Variants in DNAH14 observed in about 807,000 individuals in gnomAD.
DNAH14 encodes dynein axonemal heavy chain 14, also known as axonemal beta dynein heavy chain 14.
Under a neutral mutation model 520.9 loss-of-function variants are expected in DNAH14, and 478 were observed. The observed-to-expected ratio is 0.92, with a 90% CI of 0.85 to 0.99. The LOEUF is 0.99. DNAH14 is among the 50% of genes least tolerant of loss of function. DNAH14 has a pLI of 0.00. For synonymous variants in DNAH14, 1,581 were observed against 1,757.2 expected (o/e 0.90, Z 2.51); for missense variants, 4,831 against 5,234.5 (o/e 0.92, Z 2.38).
intron 23 of DNAH14, among the ~76,000 whole-genome samples, chr1:225,101,873 C>T (rs1261179641): frequency 6.6e-6 from 1 of 151,294 alleles, no homozygotes; most frequent in African/African-American, 2.4e-5. Context: ...GGGTATATAC[C>T]TAACAGTGGA....
chr1:225,305,415 A>C (rs184645138), intron 58 of DNAH14, among the ~76,000 whole-genome samples: 93 of 152,308 alleles, frequency 6.1e-4, no homozygotes, highest in African/African-American at 2.2e-3. Context: ...ATGGGATGAC[A>C]CCAAAATAAA....
At chr1:225,001,614 C>A (rs1413161621) in intron 8 of DNAH14, among the ~76,000 whole-genome samples, 1 of 152,038 alleles carries the variant, frequency 6.6e-6, no homozygotes, top group Non-Finnish European at 1.5e-5. Flanking sequence ...GCACCCTCCC[C>A]ATTTTCATAT....
At chr1:224,987,418 T>C (rs1420314900) in intron 8 of DNAH14, among the ~76,000 whole-genome samples, 1 of 152,230 alleles carries the variant, frequency 6.6e-6, no homozygotes, top group Admixed American at 6.5e-5. Context: ...GTTCATTTTG[T>C]ATTGCTATAG....
Position 225,166,846 on chromosome 1 carries a change from G to A in DNAH14, c.5446-1093G>A, listed in dbSNP as rs184750922. On this transcript the variant is annotated intron_variant, in intron 35 of 85. Transcript: ENST00000682510. ...TCTAAGGAACATCATATACAGCCAC[G>A]AATATTTTATAGTAGGATTATGATT... Among the ~76,000 whole-genome samples the A allele has an allele frequency of 1.3e-4, 20 of 152,262 alleles. No homozygotes were observed. The East Asian group carries it at 3.5e-3, about 26-fold the overall frequency.
chr1:225,043,821 A>G, intron 14 of DNAH14, 32 bp downstream of exon 14: 1 of 1,461,524 alleles, frequency 6.8e-7, no homozygotes. Flanking sequence ...AATTACGAGT[A>G]ATTGTATTTT....
At chr1:224,961,731 A>G (rs2060858255) in intron 4 of DNAH14, among the ~76,000 whole-genome samples, 1 of 152,160 alleles carries the variant, frequency 6.6e-6, no homozygotes, top group Non-Finnish European at 1.5e-5. Context: ...TTGGGTGAGG[A>G]CACAGAGCCA....
chr1:225,339,143 A>C (rs1013601848), intron 68 of DNAH14, among the ~76,000 whole-genome samples: 1 of 8,484 alleles, frequency 1.2e-4, no homozygotes, highest in African/African-American at 1.5e-4. Context: ...ATGAAATACA[A>C]AAAAAAAAAA....
chr1:225,396,256 C>T (rs2096009454), intron 84 of DNAH14: 1 of 152,090 alleles, frequency 6.6e-6, no homozygotes, highest in Non-Finnish European at 1.5e-5. Context: ...AAATATGGGT[C>T]CAAAACTGCT....
chr1:225,219,227 A>G (rs750892204), intron 41 of DNAH14, among the ~76,000 whole-genome samples: 1 of 152,198 alleles, frequency 6.6e-6, no homozygotes, highest in Non-Finnish European at 1.5e-5. Flanking sequence ...AAGATCTAAA[A>G]TCAACACCCT....
In DNAH14 at chr1:224,953,209, G is replaced by A. The variant is rs371839886; in HGVS notation, c.77+430G>A. ...ACGATCTTGGCTCACTGCAACCTCC[G>A]CCTCCCAGGTTCAAGCGATTCTCCA... On this transcript the variant is annotated intron_variant, in intron 2 of 85. Coordinates refer to ENST00000682510, the MANE Select transcript of DNAH14 (RefSeq NM_001367479.1). The A allele has an allele frequency of 9.3e-4, 142 of 152,148 alleles. 3 individuals carry two copies. The South Asian group carries it at 0.022, about 23-fold the overall frequency. 9.4% of individuals were successfully genotyped at this position (152,148 alleles called of 1,614,324 possible). A position where few individuals can be genotyped will look rare whatever the true frequency, so the allele number is the denominator to read the frequency against.
intron 82 of DNAH14, 42 bp downstream of exon 82, chr1:225,388,533 T>C (rs2095867351): frequency 2.4e-6 from 3 of 1,241,906 alleles, no homozygotes; most frequent in Non-Finnish European, 3.4e-6. Context: ...TCATTTTTGC[T>C]TAAAGCCCAA....
At position 224,968,794 on chromosome 1, in the gene DNAH14, A is replaced by T; in HGVS notation, c.687A>T (p.Glu229Asp). Residue 229 changes from glutamate (E) to aspartate (D), a missense_variant, in exon 7 of 86, where the codon GAA (glutamate) becomes GAT (aspartate). By Grantham distance (45) the Glu-to-Asp change is conservative. Coordinates refer to ENST00000682510, the MANE Select transcript of DNAH14 (RefSeq NM_001367479.1). ...INIVGSVKEV[E>D]LIPTLEWLSE... ...TAGTTGGTAGTGTAAAGGAAGTAGAACTCATACCTACTTTGGAATGGCTAT... is the reference window on the plus strand; with the variant it reads ...TAGTTGGTAGTGTAAAGGAAGTAGATCTCATACCTACTTTGGAATGGCTAT... 6.5e-7 allele frequency: 1 copy of T among 1,536,314 alleles called. No individual in the cohort carries two copies. Among genetic ancestry groups the T allele is most frequent in the Non-Finnish European group, 8.8e-7 (1 of 1,140,072 alleles).
intron 8 of DNAH14, among the ~76,000 whole-genome samples, chr1:224,992,218 T>G (rs1475272554): frequency 6.6e-6 from 1 of 152,186 alleles, no homozygotes; most frequent in East Asian, 1.9e-4. Context: ...GCCTTGACTA[T>G]TCAAGGTTTT....
At chr1:225,272,195 T>A in intron 51 of DNAH14, 122 bp downstream of exon 51, 1 of 953,248 alleles carries the variant, frequency 1.0e-6, no homozygotes, top group Non-Finnish European at 1.5e-6. Flanking sequence ...GTTTTGCTAT[T>A]AGCAGCTTAT....
At chr1:225,067,316 A>G (rs933001143) in intron 17 of DNAH14, among the ~76,000 whole-genome samples, 1 of 152,202 alleles carries the variant, frequency 6.6e-6, no homozygotes, top group Non-Finnish European at 1.5e-5. Context: ...TTATGGCTGC[A>G]TAATATTCCA....
chr1:225,119,198 T>C, intron 25 of DNAH14, 22 bp from the exon 26 acceptor site: 2 of 1,478,614 alleles, frequency 1.4e-6, no homozygotes, highest in Non-Finnish European at 1.8e-6. Context: ...CTTCATGATA[T>C]TATTTTTGAA....
intron 31 of DNAH14, among the ~76,000 whole-genome samples, chr1:225,148,268 C>T (rs1163644998): frequency 6.6e-6 from 1 of 151,914 alleles, no homozygotes; most frequent in Non-Finnish European, 1.5e-5. Context: ...ATAAGTGTTC[C>T]TTCTTCTCTA....
chr1:224,986,829 G>A (rs1052590542), intron 8 of DNAH14, among the ~76,000 whole-genome samples: 1 of 152,104 alleles, frequency 6.6e-6, no homozygotes, highest in Non-Finnish European at 1.5e-5. Flanking sequence ...GTCCTAGCTG[G>A]AGTACTCAGA....
rs768598457 is a variant in DNAH14, at chr1:225,117,981, A to T, written c.4073A>T (p.Glu1358Val). The change falls in exon 25 of 86, where the codon GAA becomes GTA. Residue 1358 changes from glutamate to valine, a missense_variant. Physicochemically the swap from Glu to Val is moderately radical, Grantham distance 121. Transcript: ENST00000682510. The stretch of plus-strand genomic sequence containing the variant: ...AAAATGCTAATATCTGCTGAAGGGG[A>T]AGGTCTCGTGCTGCCAAAGTATGAT... ...AVKMLISAEG[E>V]GLVLPKKIRV... The T allele has an allele frequency of 9.0e-6, 14 of 1,549,452 alleles. No homozygotes were observed. Among genetic ancestry groups the T allele is most frequent in the Non-Finnish European group, 1.1e-5 (13 of 1,144,944 alleles).
Sources: gnomAD v4.1 joint callset for allele counts (sites outside exome capture counted in the v4.1 genomes callset) on GRCh38, gnomAD v4.1.1 for gene constraint, MANE v1.5 for transcripts, NCBI Gene and HGNC (gene_info 2026-07-23, HGNC 2026-07-21) for gene names.